ZNF718: variants seen among roughly 807,000 people sequenced by gnomAD.
ZNF718 encodes zinc finger protein 718.
Under a neutral mutation model 2.6 loss-of-function variants are expected in ZNF718, and 3 were observed. That is an observed-to-expected ratio of 1.16 (90% CI 0.53 to 3.01). The LOEUF is 3.01. ZNF718 is among the 30% of genes most tolerant of loss of function. The probability of loss-of-function intolerance (pLI) is 0.03; values close to 1 mark genes in which losing one functional copy is unlikely to be tolerated. For missense variants in ZNF718, 468 were observed against 230.0 expected, an observed-to-expected ratio of 2.03 and a Z score of -6.69; for synonymous variants, 135 against 77.9, an observed-to-expected ratio of 1.73 and a Z score of -3.86.
chr4:171,499 G>T (rs79494355), intron 3 of ZNF718, among the ~76,000 whole-genome samples: 5 of 152,168 alleles, frequency 3.3e-5, no homozygotes, highest in East Asian at 1.9e-4. Flanking sequence ...CACCGAGTTC[G>T]AGTTTCCTGG....
Position 161,477 on chromosome 4 carries a change from T to G in ZNF718, c.792T>G (p.Phe264Leu). The G allele has an allele frequency of 2.6e-6, 2 of 777,388 alleles. No homozygotes were observed. Among genetic ancestry groups the G allele is most frequent in the Non-Finnish European group, 4.8e-6 (2 of 415,080 alleles). The allele number at this position is 777,388 out of a possible 1,614,324, so 48.2% of individuals were successfully genotyped here. The change falls in exon 4 of 4, where the codon TTT becomes TTG. Residue 264 changes from phenylalanine (F) to leucine (L), a missense_variant. Coordinates refer to ENST00000510175, the MANE Select transcript of ZNF718 (RefSeq NM_001039127.6). ...PYICEKCGKA[F>L]NQSSTLNLHK... ...TATGTGAAAAATGTGGTAAAGCTTT[T>G]AACCAATCCTCAACCCTTAATTTAC...
intron 3 of ZNF718, among the ~76,000 whole-genome samples, chr4:151,541 C>A (rs1716323034): frequency 6.6e-6 from 1 of 151,622 alleles, no homozygotes; most frequent in African/African-American, 2.4e-5. Flanking sequence ...AGTGCAGTGG[C>A]ATGATCTTGG....
intron 3 of ZNF718, among the ~76,000 whole-genome samples, chr4:151,284 T>C (rs1367811101): frequency 6.6e-6 from 1 of 151,662 alleles, no homozygotes; most frequent in Admixed American, 6.6e-5. Flanking sequence ...TTTTTGTATT[T>C]TAGTAGAGAC....
intron 3 of ZNF718, among the ~76,000 whole-genome samples, chr4:139,461 T>C (rs1486834376): frequency 6.6e-6 from 1 of 152,218 alleles, no homozygotes; most frequent in African/African-American, 2.4e-5. Flanking sequence ...CCATAGGGCA[T>C]GGGCCATAAA....
intron 1 of ZNF718, among the ~76,000 whole-genome samples, chr4:125,620 A>AGGCGCTGTCCCGCTG (rs1715174020): frequency 1.3e-5 from 2 of 152,174 alleles, no homozygotes; most frequent in African/African-American, 2.4e-5. Flanking sequence ...GGTTCTGCAC[A>AGGCGCTGTCCCGCTG]GGCGCTGTCC....
At chr4:150,786 A>C (rs1364175446) in intron 3 of ZNF718, among the ~76,000 whole-genome samples, 1 of 152,180 alleles carries the variant, frequency 6.6e-6, no homozygotes, top group Non-Finnish European at 1.5e-5. Flanking sequence ...TATATGCTCC[A>C]GCAATAGTGT....
chr4:201,834 AG>A, exon 5 of ZNF718: 2 of 197,114 alleles, frequency 1.0e-5, no homozygotes. Context: ...TACCACTGTG[AG>A]GGCAAGTACA....
At chr4:142,857 T>A (rs1255344434) in intron 3 of ZNF718, among the ~76,000 whole-genome samples, 2 of 152,212 alleles carry the variant, frequency 1.3e-5, no homozygotes, top group Non-Finnish European at 2.9e-5. Context: ...TTTGATCTAT[T>A]TAATTTTACG....
At chr4:171,574 C>T (rs981729155) in intron 3 of ZNF718, among the ~76,000 whole-genome samples, 3 of 152,162 alleles carry the variant, frequency 2.0e-5, no homozygotes, top group Admixed American at 2.0e-4. Context: ...TCACTGCCGC[C>T]TTGCAGTTTG....
chr4:151,173 G>A lies in ZNF718; in HGVS notation c.227-9739G>A, dbSNP rs1716304077. ...GCTGGAGTGTAGTGGTGTGATCTCA[G>A]CTCCCTGCAACTTCTGCCTCCCGGG... On this transcript the variant is annotated intron_variant, in intron 3 of 3. Transcript: ENST00000510175. Among the ~76,000 whole-genome samples, 2 of 152,234 alleles carry A rather than the reference G, an allele frequency of 1.3e-5. 1 individual carries two copies.
At chr4:169,533 T>C (rs1317766975) in intron 3 of ZNF718, among the ~76,000 whole-genome samples, 7 of 152,204 alleles carry the variant, frequency 4.6e-5, no homozygotes, top group African/African-American at 1.7e-4. Flanking sequence ...ATCTGGGTGC[T>C]CCTGTATTGG....
At chr4:195,060 C>T (rs1553821829) in intron 3 of ZNF718, among the ~76,000 whole-genome samples, 1 of 152,128 alleles carries the variant, frequency 6.6e-6, no homozygotes. Context: ...TACCAGAGTG[C>T]CCAACATTGC....
intron 3 of ZNF718, among the ~76,000 whole-genome samples, chr4:187,280 G>A (rs1717588742): frequency 6.6e-6 from 1 of 152,124 alleles, no homozygotes; most frequent in Non-Finnish European, 1.5e-5. Context: ...AAGCTGGAGT[G>A]CAGTGGTGTG....
At chr4:173,945 T>C (rs980927065) in intron 3 of ZNF718, among the ~76,000 whole-genome samples, 3 of 152,198 alleles carry the variant, frequency 2.0e-5, no homozygotes, top group Non-Finnish European at 4.4e-5. Context: ...ACAGATGTAA[T>C]GACAAAGGCT....
chr4:150,273 G>A (rs1268938422), intron 3 of ZNF718: 1 of 152,014 alleles, frequency 6.6e-6, no homozygotes, highest in Non-Finnish European at 1.5e-5. Flanking sequence ...TTGTTTCCAG[G>A]AATTGTCTTT....
intron 3 of ZNF718, among the ~76,000 whole-genome samples, chr4:184,746 TTG>T (rs1435188512): frequency 3.3e-5 from 5 of 152,020 alleles, no homozygotes; most frequent in Admixed American, 2.0e-4. Flanking sequence ...CTTGGGAGGG[TTG>T]TGTGTCCAGG....
At chr4:187,114 T>C (rs1325459673) in intron 3 of ZNF718, among the ~76,000 whole-genome samples, 1 of 152,214 alleles carries the variant, frequency 6.6e-6, no homozygotes, top group Non-Finnish European at 1.5e-5. Context: ...GTTTGTCTGT[T>C]TGTTTTTCTT....
intron 1 of ZNF718, chr4:125,249 C>T (rs1379794937): frequency 1.3e-5 from 2 of 153,032 alleles, no homozygotes; most frequent in African/African-American, 4.9e-5. Context: ...CTGTTCGCAT[C>T]TTTTAGAATA....
chr4:172,316 G>GT (rs1717255630), intron 3 of ZNF718, among the ~76,000 whole-genome samples: 2 of 152,148 alleles, frequency 1.3e-5, no homozygotes, highest in African/African-American at 4.8e-5. Context: ...TTATTACCAA[G>GT]TAGTATTTCA....
Sources: allele counts gnomAD v4.1 joint callset (sites outside exome capture counted in the v4.1 genomes callset), GRCh38; gene constraint gnomAD v4.1.1; transcripts MANE v1.5; gene names NCBI Gene and HGNC (gene_info 2026-07-23, HGNC 2026-07-21).